The following NAALADL2 variants were observed in gnomAD, a reference collection of about 807,000 sequenced individuals.
The protein encoded by NAALADL2 is inactive N-acetylated-alpha-linked acidic dipeptidase-like protein 2.
Under a neutral mutation model 87.2 loss-of-function variants are expected in NAALADL2, and 76 were observed. That is an observed-to-expected ratio of 0.87 (90% CI 0.72 to 1.05). NAALADL2 has a LOEUF of 1.05. NAALADL2 is among the 50% of genes least tolerant of loss of function. The pLI, the probability that NAALADL2 is intolerant of heterozygous loss-of-function variation, is 0.00. For missense variants in NAALADL2, 1,089 were observed against 945.8 expected (o/e 1.15, Z -1.99); for synonymous variants, 354 against 331.0 (o/e 1.07, Z -0.75).
intron 10 of NAALADL2, among the ~76,000 whole-genome samples, chr3:175,578,240 G>T (rs1469159565): frequency 1.3e-5 from 2 of 152,060 alleles, no homozygotes; most frequent in African/African-American, 4.8e-5. Context: ...TGGGCAACAC[G>T]GTGAAATCTT....
In NAALADL2 at chr3:175,413,620, T is replaced by C. The variant is rs189196559; in HGVS notation, c.1091-33609T>C. ...GTGCTATATGGTAATGTTGAGGATA[T>C]GAGCACTAACTGAAATAAAAGTTGT... On this transcript the variant is annotated intron_variant, in intron 5 of 13. Coordinates refer to ENST00000454872, the MANE Select transcript of NAALADL2 (RefSeq NM_207015.3). Among the ~76,000 whole-genome samples, 586 of 149,806 alleles carry C rather than the reference T, an allele frequency of 3.9e-3. 5 individuals carry two copies. Among genetic ancestry groups the C allele is most frequent in the African/African-American group, 0.014 (567 of 40,740 alleles).
At chr3:174,569,803 T>C (rs935295813) in intron 2 of NAALADL2, among the ~76,000 whole-genome samples, 9 of 152,160 alleles carry the variant, frequency 5.9e-5, no homozygotes, top group African/African-American at 1.7e-4. Flanking sequence ...ATCCTGGCTA[T>C]AGTTTTGGGA....
rs199946607 is a variant in NAALADL2, at chr3:175,591,027, C to T, written c.1800+14840C>T. Among the ~76,000 whole-genome samples, 107 of 151,984 alleles carry T rather than the reference C, an allele frequency of 7.0e-4. 1 individual carries two copies. In the East Asian group the frequency reaches 0.016, roughly 23 times the overall value. ...GTGCTGTTACTACACTATGATTAAC[C>T]TGTAAGGCAAGAGAAAAATAGACTC... On this transcript the variant is annotated intron_variant, in intron 10 of 13. Transcript: ENST00000454872.
intron 1 of NAALADL2, among the ~76,000 whole-genome samples, chr3:174,549,305 A>G (rs907214301): frequency 1.3e-5 from 2 of 152,236 alleles, no homozygotes; most frequent in East Asian, 3.9e-4. Flanking sequence ...TGGAGTTGTT[A>G]TAAGATATGT....
chr3:175,606,553 T>G (rs903711054), intron 10 of NAALADL2, among the ~76,000 whole-genome samples: 10 of 152,254 alleles, frequency 6.6e-5, no homozygotes, highest in Non-Finnish European at 1.2e-4. Flanking sequence ...AGGTGTAATA[T>G]TGCGGAACTC....
chr3:174,959,691 T>C (rs1241846650), intron 1 of NAALADL2, among the ~76,000 whole-genome samples: 1 of 152,064 alleles, frequency 6.6e-6, no homozygotes, highest in Non-Finnish European at 1.5e-5. Context: ...CAAAGTAAGG[T>C]TGCATAAGCA....
At chr3:175,365,318 T>A (rs1765435122) in intron 5 of NAALADL2, among the ~76,000 whole-genome samples, 1 of 147,352 alleles carries the variant, frequency 6.8e-6, no homozygotes, top group African/African-American at 2.5e-5. Context: ...CATGATATTC[T>A]TACATATTAC....
intron 12 of NAALADL2, among the ~76,000 whole-genome samples, chr3:175,738,645 T>A (rs752370896): frequency 6.6e-6 from 1 of 152,204 alleles, no homozygotes; most frequent in Non-Finnish European, 1.5e-5. Context: ...TTATAGTGAC[T>A]GTAAAACCAT....
intron 2 of NAALADL2, among the ~76,000 whole-genome samples, chr3:174,597,119 G>A (rs1717993822): frequency 1.3e-5 from 2 of 152,124 alleles, no homozygotes; most frequent in Non-Finnish European, 2.9e-5. Flanking sequence ...TATAGTGAAA[G>A]GATACAAAAC....
rs193067774 is a variant in NAALADL2, at chr3:175,352,205, A to G, written c.1090+27880A>G. Among the ~76,000 whole-genome samples the G allele has an allele frequency of 3.1e-4, 47 of 151,084 alleles. No homozygotes were observed. The East Asian group carries it at 3.7e-3, about 12-fold the overall frequency. On this transcript the variant is annotated intron_variant, in intron 5 of 13. Coordinates refer to ENST00000454872, the MANE Select transcript of NAALADL2 (RefSeq NM_207015.3). ...TTTTTAATGGGGGCTAGGACATGGG[A>G]CCAAGCTGTGGCTTCCTCTTTGTGG...
intron 11 of NAALADL2, among the ~76,000 whole-genome samples, chr3:175,694,488 ATACAGT>A (rs1381859138): frequency 6.6e-6 from 1 of 152,192 alleles, no homozygotes; most frequent in Non-Finnish European, 1.5e-5. Context: ...TGGTAAAAGA[ATACAGT>A]TACAGACTTT....
chr3:175,099,492 A>T (rs1436691786), intron 2 of NAALADL2, among the ~76,000 whole-genome samples: 1 of 152,212 alleles, frequency 6.6e-6, no homozygotes, highest in Non-Finnish European at 1.5e-5. Context: ...CTTCATAAAC[A>T]TAACAGCTCC....
intron 1 of NAALADL2, among the ~76,000 whole-genome samples, chr3:174,872,543 G>T (rs1279217832): frequency 6.6e-6 from 1 of 152,154 alleles, no homozygotes; most frequent in Non-Finnish European, 1.5e-5. Flanking sequence ...GCTAAATTTT[G>T]TATTATGCCT....
At chr3:174,776,929 TCTTCC>T (rs1715284695) in intron 3 of NAALADL2, among the ~76,000 whole-genome samples, 1 of 152,140 alleles carries the variant, frequency 6.6e-6, no homozygotes, top group South Asian at 2.1e-4. Context: ...TTTTAAAAAT[TCTTCC>T]CTTAAATTCT....
At chr3:175,800,832 C>A (rs1468259067) in intron 13 of NAALADL2, among the ~76,000 whole-genome samples, 1 of 152,024 alleles carries the variant, frequency 6.6e-6, no homozygotes, top group Non-Finnish European at 1.5e-5. Flanking sequence ...AAGTGTAAAG[C>A]AATGAGATCA....
chr3:174,514,142 T>C (rs187731941), intron 1 of NAALADL2, among the ~76,000 whole-genome samples: 1 of 152,318 alleles, frequency 6.6e-6, no homozygotes, highest in African/African-American at 2.4e-5. Context: ...GTAAGAATGA[T>C]TCTGTTGCTC....
At chr3:175,474,888 T>C (rs913121922) in intron 9 of NAALADL2, among the ~76,000 whole-genome samples, 12 of 152,048 alleles carry the variant, frequency 7.9e-5, no homozygotes, top group Admixed American at 2.6e-4. Context: ...GAGCCTTCTA[T>C]TCCTCCACCT....
At chr3:175,540,212 G>T (rs1172848442) in intron 9 of NAALADL2, among the ~76,000 whole-genome samples, 1 of 152,126 alleles carries the variant, frequency 6.6e-6, no homozygotes, top group Non-Finnish European at 1.5e-5. Context: ...AGAGTAAGAG[G>T]TATTAATTAA....
intron 9 of NAALADL2, among the ~76,000 whole-genome samples, chr3:175,480,338 G>A (rs1029046937): frequency 5.3e-5 from 8 of 151,782 alleles, no homozygotes; most frequent in South Asian, 4.1e-4. Flanking sequence ...TAAACATAGC[G>A]CATTGTTGTA....
Sources: gnomAD v4.1 joint callset for allele counts (sites outside exome capture counted in the v4.1 genomes callset) on GRCh38, gnomAD v4.1.1 for gene constraint, MANE v1.5 for transcripts, NCBI Gene and HGNC (gene_info 2026-07-23, HGNC 2026-07-21) for gene names.